Variants in TRPV4 observed in about 807,000 individuals in gnomAD.
TRPV4 encodes the protein transient receptor potential cation channel subfamily V member 4, also known as OSM9-like transient receptor potential channel 4.
Under a neutral mutation model 84.1 loss-of-function variants are expected in TRPV4, and 58 were observed. That is an observed-to-expected ratio of 0.69 (90% CI 0.56 to 0.86). TRPV4 has a LOEUF of 0.86. Ranked by LOEUF, TRPV4 falls within the 40% of genes least tolerant of loss-of-function variation. TRPV4 has a pLI of 0.00. For synonymous variants in TRPV4, 489 were observed against 500.9 expected, an observed-to-expected ratio of 0.98 and a Z score of 0.32; for missense variants, 879 against 1,181.1, an observed-to-expected ratio of 0.74 and a Z score of 3.75.
intron 1 of TRPV4, among the ~76,000 whole-genome samples, chr12:109,828,460 C>T (rs1044021042): frequency 1.3e-5 from 2 of 152,202 alleles, no homozygotes; most frequent in Non-Finnish European, 2.9e-5. Flanking sequence ...GGGGTGCCAG[C>T]TCATGGGCTG....
chr12:109,823,726 G>C (rs1892174125), intron 1 of TRPV4, among the ~76,000 whole-genome samples: 1 of 152,108 alleles, frequency 6.6e-6, no homozygotes, highest in Non-Finnish European at 1.5e-5. Context: ...ATGAGATAGT[G>C]CTGATGTCTG....
At chr12:109,804,969 G>T (rs746744446) in intron 3 of TRPV4, among the ~76,000 whole-genome samples, 1 of 152,170 alleles carries the variant, frequency 6.6e-6, no homozygotes, top group Non-Finnish European at 1.5e-5. Flanking sequence ...CTTTTCACCT[G>T]GTTAACTGCA....
At chr12:109,820,511 GC>G (rs1176601045) in intron 1 of TRPV4, among the ~76,000 whole-genome samples, 171 of 99,480 alleles carry the variant, frequency 1.7e-3, no homozygotes, top group Middle Eastern at 5.9e-3. Flanking sequence ...TTCTTCAGCT[GC>G]CCTATTTTTT....
At chr12:109,788,078 G>A (rs912955780) in intron 13 of TRPV4, among the ~76,000 whole-genome samples, 10 of 152,332 alleles carry the variant, frequency 6.6e-5, no homozygotes, top group Middle Eastern at 3.4e-3. Flanking sequence ...CTGCTGAAAC[G>A]CTGATGCCCA....
rs1245573219 is a variant in TRPV4 at position 109,820,513 on chromosome 12, C to CTTTTTTTTTT, written c.-31-5687_-31-5686insAAAAAAAAAA. Reference sequence around the variant, plus strand: ...TCTGATCTTCACTTTCTTCAGCTGCCCTATTTTTTTTTTTTTTTTTTTTTT... The same window carrying CTTTTTTTTTT: ...TCTGATCTTCACTTTCTTCAGCTGCCTTTTTTTTTTCTATTTTTTTTTTTTTTTTTTTTTT... On this transcript the variant is annotated intron_variant, in intron 1 of 15. Coordinates refer to ENST00000261740, the MANE Select transcript of TRPV4 (RefSeq NM_021625.5). 3.4e-3 allele frequency among the ~76,000 whole-genome samples: 360 copies of CTTTTTTTTTT among 106,700 alleles called. 18 individuals carry two copies. The highest frequency in any genetic ancestry group is 0.011 in the Middle Eastern group (2 of 188). 70.0% of individuals were successfully genotyped at this position (106,700 alleles called of 152,430 possible).
chr12:109,793,703 G>A lies in TRPV4; in HGVS notation c.1585-103C>T. On this transcript the variant is annotated intron_variant, in intron 9 of 15. Transcript: ENST00000261740. The surrounding 1 kb of genome is among the most constrained non-coding windows in gnomAD (Gnocchi z 4.0). ...GATAGAAGAGAGGGAGGCAGAGGCT[G>A]GTACAGAGAAAAGACAAAGGACTCT... The A allele has an allele frequency of 9.7e-7, 1 of 1,035,000 alleles. No homozygotes were observed. The highest frequency in any genetic ancestry group is 1.3e-5 in the South Asian group (1 of 76,486). The allele number at this position is 1,035,000 out of a possible 1,614,324, so 64.1% of individuals were successfully genotyped here. A position where few individuals can be genotyped will look rare whatever the true frequency, so the allele number is the denominator to read the frequency against.
In TRPV4 at chr12:109,786,622, A is replaced by G. The variant is rs1250121084; in HGVS notation, c.2336+88T>C. On this transcript the variant is annotated intron_variant, in intron 14 of 15. Coordinates refer to ENST00000261740, the MANE Select transcript of TRPV4 (RefSeq NM_021625.5). The surrounding 1 kb of genome is among the most constrained non-coding windows in gnomAD (Gnocchi z 4.5). Reference sequence around the variant, plus strand: ...GGCCTCAGTGGCTCCAGAAATTGCAATGGGTAGACGACGCTGGAGCAGCAG... The same window carrying G: ...GGCCTCAGTGGCTCCAGAAATTGCAGTGGGTAGACGACGCTGGAGCAGCAG... 1.9e-6 allele frequency: 3 copies of G among 1,556,486 alleles called. No homozygotes were observed. Among genetic ancestry groups the G allele is most frequent in the Non-Finnish European group, 2.6e-6 (3 of 1,144,258 alleles).
rs1441337655 is a variant in TRPV4, at chr12:109,814,938, C to T, written c.-31-111G>A. 4 of 1,077,802 alleles carry T rather than the reference C, an allele frequency of 3.7e-6. No homozygotes were observed. Among genetic ancestry groups the T allele is most frequent in the Admixed American group, 2.5e-5 (1 of 40,188 alleles). 66.8% of individuals were successfully genotyped at this position (1,077,802 alleles called of 1,614,324 possible). A position where few individuals can be genotyped will look rare whatever the true frequency, so the allele number is the denominator to read the frequency against. Reference sequence around the variant, plus strand: ...GTGCTGCCAGCTGCTTCAAAGCCACCGTTGTAATGACAGGGGCACAGGGAG... The same window carrying T: ...GTGCTGCCAGCTGCTTCAAAGCCACTGTTGTAATGACAGGGGCACAGGGAG... On this transcript the variant is annotated intron_variant, in intron 1 of 15. Coordinates refer to ENST00000261740, the MANE Select transcript of TRPV4 (RefSeq NM_021625.5). The surrounding 1 kb of genome is among the most constrained non-coding windows in gnomAD (Gnocchi z 5.4).
At chr12:109,799,701 A>T (rs913863969) in intron 5 of TRPV4, among the ~76,000 whole-genome samples, 1 of 152,176 alleles carries the variant, frequency 6.6e-6, no homozygotes, top group Non-Finnish European at 1.5e-5. Flanking sequence ...GGTGAGGCTC[A>T]GGGAAGTGAG....
intron 2 of TRPV4, among the ~76,000 whole-genome samples, chr12:109,808,879 A>AT (rs1443003999): frequency 1.3e-5 from 2 of 149,714 alleles, no homozygotes; most frequent in African/African-American, 5.0e-5. Context: ...CCATCTATCC[A>AT]TCCAACCATC....
Position 109,796,648 on chromosome 12 carries a change from G to A in TRPV4, c.1209C>T (p.Ser403=). Residue 403 remains serine (S), a synonymous_variant, in exon 7 of 16, where the codon TCC becomes TCT. Coordinates refer to ENST00000261740, the MANE Select transcript of TRPV4 (RefSeq NM_021625.5). This position sits in a 1 kb window ranked among gnomAD's most constrained non-coding sequence, Gnocchi z 4.2. ...CATAGGCCCAGTCCTTGAACTTGCG[G>A]GACAGGTGCCGTGTGTCCTCATCCG... ...EVTDEDTRHL[S]RKFKDWAYGP... is the part of the protein sequence containing the mutation. The A allele has an allele frequency of 1.2e-6, 2 of 1,614,180 alleles. No homozygotes were observed. The highest frequency in any genetic ancestry group is 1.7e-6 in the Non-Finnish European group (2 of 1,180,034).
chr12:109,800,895 A>T, intron 4 of TRPV4, 137 bp from the exon 5 acceptor site: 1 of 804,310 alleles, frequency 1.2e-6, no homozygotes, highest in Non-Finnish European at 2.1e-6. Context: ...GCGACACCCA[A>T]GGGCAGCAAA....
At chr12:109,800,785 G>T (rs1198308248) in intron 4 of TRPV4, 27 bp from the exon 5 acceptor site, 25 of 1,610,214 alleles carry the variant, frequency 1.6e-5, no homozygotes, top group Non-Finnish European at 2.0e-5. Flanking sequence ...GTCATCCAGG[G>T]TCCTGGCGGA....
Position 109,815,402 on chromosome 12 carries a change from G to C in TRPV4, c.-31-575C>G, listed in dbSNP as rs753835158. 6.6e-6 allele frequency among the ~76,000 whole-genome samples: 1 copy of C among 152,242 alleles called. No individual in the cohort carries two copies. Among genetic ancestry groups the C allele is most frequent in the Non-Finnish European group, 1.5e-5 (1 of 68,048 alleles). On this transcript the variant is annotated intron_variant, in intron 1 of 15. Transcript: ENST00000261740. This position sits in a 1 kb window ranked among gnomAD's most constrained non-coding sequence, Gnocchi z 4.1. ...AGGAGGGGCTCAGAAAATCCATGTG[G>C]ACTTGCTGTGTAGGCCGGCAGTCCT...
At chr12:109,795,355 A>T (rs960212346) in intron 7 of TRPV4, among the ~76,000 whole-genome samples, 1 of 152,190 alleles carries the variant, frequency 6.6e-6, no homozygotes, top group African/African-American at 2.4e-5. Context: ...TTAAATCAAG[A>T]TGGTCACTAA....
chr12:109,824,760 A>C (rs201901429), intron 1 of TRPV4, among the ~76,000 whole-genome samples: 5 of 151,728 alleles, frequency 3.3e-5, no homozygotes, highest in Non-Finnish European at 1.5e-5. Flanking sequence ...CCATCTCAAC[A>C]AAACAAAACC....
intron 13 of TRPV4, among the ~76,000 whole-genome samples, chr12:109,787,417 C>A (rs1889759987): frequency 6.6e-6 from 1 of 152,072 alleles, no homozygotes; most frequent in African/African-American, 2.4e-5. Flanking sequence ...CCAGCCTGGG[C>A]AACATGGTGA....
intron 1 of TRPV4, among the ~76,000 whole-genome samples, chr12:109,824,578 A>T (rs1254527307): frequency 3.3e-5 from 5 of 152,074 alleles, no homozygotes; most frequent in Non-Finnish European, 7.4e-5. Context: ...CAACATGGTG[A>T]AACCCCATCT....
chr12:109,800,488 C>A, intron 5 of TRPV4, 130 bp downstream of exon 5: 2 of 1,209,874 alleles, frequency 1.7e-6, no homozygotes, highest in South Asian at 2.7e-5. Context: ...CAGAGTGCTG[C>A]CTGCGCTCAT....
Sources: gnomAD v4.1 joint callset for allele counts (sites outside exome capture counted in the v4.1 genomes callset) on GRCh38, gnomAD v4.1.1 for gene constraint, Gnocchi (gnomAD v3.1) non-coding constraint, MANE v1.5 for transcripts, NCBI Gene and HGNC (gene_info 2026-07-23, HGNC 2026-07-21) for gene names.